Variants in DCAF6 observed in about 807,000 individuals in gnomAD.
The protein encoded by DCAF6 is DDB1- and CUL4-associated factor 6.
Under a neutral mutation model 125.1 loss-of-function variants are expected in DCAF6, and 54 were observed. The observed-to-expected ratio is 0.43, with a 90% CI of 0.35 to 0.54. DCAF6 has a LOEUF of 0.54. Ranked by LOEUF, DCAF6 falls within the 20% of genes least tolerant of loss-of-function variation. The pLI is 0.01. For synonymous variants in DCAF6, 371 were observed against 390.4 expected (o/e 0.95, Z 0.58); for missense variants, 934 against 1,161.7 (o/e 0.80, Z 2.85).
chr1:167,892,284 A>C, the DCAF6 span, among the ~76,000 whole-genome samples: 1 of 152,226 alleles, frequency 6.6e-6, no homozygotes, highest in African/African-American at 2.4e-5. Flanking sequence ...AAATAAAATC[A>C]TTCACAAATA....
intron 18 of DCAF6, among the ~76,000 whole-genome samples, chr1:168,064,887 C>T (rs917116979): frequency 4.5e-4 from 69 of 152,130 alleles, no homozygotes; most frequent in Admixed American, 9.2e-4. Flanking sequence ...TCCAGTATAT[C>T]ATATGCCTTT....
chr1:167,951,978 A>G, intron 2 of DCAF6, 117 bp downstream of exon 2: 1 of 582,168 alleles, frequency 1.7e-6, no homozygotes, highest in Non-Finnish European at 3.0e-6. Context: ...GGGAGAATAA[A>G]GTTTTACATT....
intron 20 of DCAF6, among the ~76,000 whole-genome samples, chr1:168,067,378 A>G (rs1483566287): frequency 6.6e-6 from 1 of 152,224 alleles, no homozygotes; most frequent in Non-Finnish European, 1.5e-5. Context: ...AGTCAGAGGT[A>G]TACACATAGT....
At chr1:168,063,788 G>T in intron 18 of DCAF6, 29 bp downstream of exon 18, 2 of 1,588,846 alleles carry the variant, frequency 1.3e-6, no homozygotes, top group East Asian at 4.6e-5. Flanking sequence ...ATTTTTTGGT[G>T]AAATTGCAGT....
chr1:167,895,744 G>C, the DCAF6 span, among the ~76,000 whole-genome samples: 1 of 152,170 alleles, frequency 6.6e-6, no homozygotes, highest in Admixed American at 6.5e-5. Context: ...CCTTGAGAGT[G>C]AGTGTCTGCT....
At chr1:167,933,403 G>A (rs771178327), upstream of DCAF6, among the ~76,000 whole-genome samples, 7 of 152,142 alleles carry the variant, frequency 4.6e-5, no homozygotes, top group Non-Finnish European at 7.4e-5. Flanking sequence ...CTGACCTCAG[G>A]TGATCCACCC....
At position 168,045,158 on chromosome 1, in the gene DCAF6, A is replaced by G; in HGVS notation, c.2189A>G (p.Asp730Gly). 6.2e-7 allele frequency: 1 copy of G among 1,613,958 alleles called. No individual in the cohort carries two copies. Among genetic ancestry groups the G allele is most frequent in the Middle Eastern group, 1.7e-4 (1 of 6,056 alleles). ...TCCACCAGGGACTCTGCTCTTCAGG[A>G]CACAGATGACAGTGATGATGACCCA... ...ETSTRDSALQ[D>G]TDDSDDDPVL... Residue 730 changes from aspartate to glycine, a missense_variant, in exon 16 of 22, where the codon GAC becomes GGC. By Grantham distance (94) the Asp-to-Gly change is moderately conservative. Coordinates refer to ENST00000367840, the MANE Select transcript of DCAF6 (RefSeq NM_001198956.2).
At chr1:168,009,843 T>TTTTTTTCACTTTTGATTGTTTATAACA (rs60756950) in intron 10 of DCAF6, among the ~76,000 whole-genome samples, 1 of 152,024 alleles carries the variant, frequency 6.6e-6, no homozygotes, top group African/African-American at 2.4e-5. Flanking sequence ...AAATTTATAA[T>TTTTTTTCACTTTTGATTGTTTATAACA]TTTCTTTTAC....
chr1:167,913,472 C>T, the DCAF6 span, among the ~76,000 whole-genome samples: 9 of 152,148 alleles, frequency 5.9e-5, no homozygotes, highest in Admixed American at 5.9e-4. Context: ...CCTACTCTAG[C>T]CATGGTAATT....
At chr1:168,002,689 A>C in intron 8 of DCAF6, 114 bp downstream of exon 8, 1 of 697,520 alleles carries the variant, frequency 1.4e-6, no homozygotes, top group South Asian at 2.5e-5. Context: ...TTATACATAT[A>C]GGTATACTTA....
the DCAF6 span, among the ~76,000 whole-genome samples, chr1:167,898,880 T>C: frequency 0.03 from 4,620 of 152,232 alleles, 80 homozygotes; most frequent in Middle Eastern, 0.054. Flanking sequence ...ACAGCTTTTT[T>C]AATTGTCCAT....
Position 168,044,573 on chromosome 1 carries a change from GT to G in DCAF6, c.1844-9del. On this transcript the variant is annotated splice_polypyrimidine_tract_variant and intron_variant, in intron 14 of 21. Coordinates refer to ENST00000367840, the MANE Select transcript of DCAF6 (RefSeq NM_001198956.2). ...GATACCAAGGGATGACTGTAATTTG[GT>G]TTACTTACAGAAGCTCCTGAAGAAT... is the stretch of plus-strand genomic sequence containing the variant. 1 of 1,597,340 alleles carries G rather than the reference GT, an allele frequency of 6.3e-7. No individual in the cohort carries two copies.
upstream of DCAF6, chr1:167,935,595 A>G: frequency 1.5e-6 from 1 of 676,916 alleles, no homozygotes; most frequent in South Asian, 1.8e-5. Flanking sequence ...AGGCTAGGAG[A>G]GTAGACGGCT....
the DCAF6 span, among the ~76,000 whole-genome samples, chr1:167,867,256 A>G: frequency 3.9e-5 from 6 of 152,046 alleles, no homozygotes; most frequent in East Asian, 1.9e-4. Flanking sequence ...AGCTTCACCA[A>G]CCTCTGCAAA....
At chr1:167,976,430 C>A (rs189496452) in intron 4 of DCAF6, among the ~76,000 whole-genome samples, 114 of 152,216 alleles carry the variant, frequency 7.5e-4, no homozygotes, top group Admixed American at 1.9e-3. Context: ...CAAGACTGCG[C>A]TACTGTACTC....
chr1:168,037,284 A>G (rs1214477953), intron 12 of DCAF6, among the ~76,000 whole-genome samples: 1 of 152,134 alleles, frequency 6.6e-6, no homozygotes, highest in Admixed American at 6.5e-5. Flanking sequence ...CCAATAATAA[A>G]AAAAAATCCT....
intron 17 of DCAF6, among the ~76,000 whole-genome samples, chr1:168,054,819 G>GT (rs370002372): frequency 0.24 from 34,432 of 140,916 alleles, 4,532 homozygotes; most frequent in Admixed American, 0.39. Flanking sequence ...TACGGGTTTG[G>GT]TTTTTTTTTT....
At chr1:167,901,895 C>A in the DCAF6 span, 1 of 1,610,542 alleles carries the variant, frequency 6.2e-7, no homozygotes, top group Non-Finnish European at 8.5e-7. Context: ...ACTCATCAAG[C>A]ATTCCTCAGC....
intron 3 of DCAF6, 27 bp from the exon 4 acceptor site, chr1:167,974,803 A>G (rs746163583): frequency 2.5e-5 from 37 of 1,463,090 alleles, no homozygotes; most frequent in Admixed American, 7.3e-5. Flanking sequence ...ATAAGTTACC[A>G]TTAACTGCTT....
Sources: allele counts gnomAD v4.1 joint callset (sites outside exome capture counted in the v4.1 genomes callset), GRCh38; gene constraint gnomAD v4.1.1; transcripts MANE v1.5; gene names NCBI Gene and HGNC (gene_info 2026-07-23, HGNC 2026-07-21).